ALOX5: variants seen among roughly 807,000 people sequenced by gnomAD.
ALOX5 encodes the protein polyunsaturated fatty acid 5-lipoxygenase.
A neutral mutation model predicts 87.9 loss-of-function variants in ALOX5; 64 were observed. That is an observed-to-expected ratio of 0.73 (90% CI 0.60 to 0.90). The LOEUF (loss-of-function observed/expected upper bound fraction) is 0.90, where lower values mean the gene tolerates loss of function less well. Among genes scored for constraint, ALOX5 ranks in the 40% least tolerant of loss-of-function variants. ALOX5 has a pLI of 0.00. For missense variants in ALOX5, 822 were observed against 907.5 expected (o/e 0.91, Z 1.21); for synonymous variants, 388 against 355.1 (o/e 1.09, Z -1.04).
intron 5 of ALOX5, 40 bp from the exon 6 acceptor site, chr10:45,424,920 T>C: frequency 2.5e-6 from 4 of 1,610,324 alleles, no homozygotes; most frequent in Admixed American, 1.7e-5. Flanking sequence ...GGCTGCCCTC[T>C]ACTCAGAGCT....
At chr10:45,381,464 G>A (rs1235640159) in intron 1 of ALOX5, among the ~76,000 whole-genome samples, 1 of 152,270 alleles carries the variant, frequency 6.6e-6, no homozygotes, top group African/African-American at 2.4e-5. Context: ...CTGCTGGCAA[G>A]TGGCAGAGGT....
intron 11 of ALOX5, 27 bp from the exon 12 acceptor site, chr10:45,443,701 C>A: frequency 6.2e-7 from 1 of 1,602,610 alleles, no homozygotes; most frequent in Non-Finnish European, 8.5e-7. Context: ...GGGACTGGGC[C>A]TCAGCCCGCC....
intron 2 of ALOX5, among the ~76,000 whole-genome samples, chr10:45,390,257 C>T (rs1840169971): frequency 6.6e-6 from 1 of 152,154 alleles, no homozygotes; most frequent in Non-Finnish European, 1.5e-5. Flanking sequence ...CTTTAACACC[C>T]CACTGTCAAC....
At chr10:45,396,184 A>G (rs1166931554) in intron 3 of ALOX5, among the ~76,000 whole-genome samples, 1 of 152,242 alleles carries the variant, frequency 6.6e-6, no homozygotes, top group Non-Finnish European at 1.5e-5. Flanking sequence ...AAGAATGGGC[A>G]GAAAAGCTTG....
intron 2 of ALOX5, among the ~76,000 whole-genome samples, chr10:45,387,510 G>A (rs1384062821): frequency 2.6e-5 from 4 of 152,184 alleles, no homozygotes; most frequent in African/African-American, 9.7e-5. Flanking sequence ...TTCTCCTGGA[G>A]CAAAAAGGCA....
Position 45,400,039 on chromosome 10 carries a change from G to A in ALOX5, c.431+4103G>A, listed in dbSNP as rs187743615. 4.5e-4 allele frequency among the ~76,000 whole-genome samples: 69 copies of A among 152,254 alleles called. No individual in the cohort carries two copies. In the South Asian group the frequency reaches 5.8e-3, roughly 13 times the overall value. ...AAACTGGAACCCTGATGCTGCTACCGGAATGTAAGATGATGCAGCCACTTC... is the reference window on the plus strand; with the variant it reads ...AAACTGGAACCCTGATGCTGCTACCAGAATGTAAGATGATGCAGCCACTTC... On this transcript the variant is annotated intron_variant, in intron 3 of 13. Coordinates refer to ENST00000374391, the MANE Select transcript of ALOX5 (RefSeq NM_000698.5).
chr10:45,401,611 G>A (rs1457926132), intron 3 of ALOX5, among the ~76,000 whole-genome samples: 2 of 152,046 alleles, frequency 1.3e-5, no homozygotes, highest in Non-Finnish European at 2.9e-5. Flanking sequence ...TAGTTTCTAT[G>A]TACTATTCCA....
chr10:45,398,328 A>G (rs1275683598), intron 3 of ALOX5, among the ~76,000 whole-genome samples: 1 of 152,192 alleles, frequency 6.6e-6, no homozygotes, highest in African/African-American at 2.4e-5. Flanking sequence ...AGCTCACACC[A>G]TATACATAAA....
chr10:45,435,318 A>G (rs886684901), intron 7 of ALOX5, among the ~76,000 whole-genome samples: 1 of 151,580 alleles, frequency 6.6e-6, no homozygotes, highest in African/African-American at 2.4e-5. Context: ...CAGGTTTGTT[A>G]CATGGTTATA....
intron 3 of ALOX5, among the ~76,000 whole-genome samples, chr10:45,398,821 A>G (rs1423533759): frequency 6.6e-6 from 1 of 152,252 alleles, no homozygotes; most frequent in East Asian, 1.9e-4. Flanking sequence ...ACAAGTGTTG[A>G]CAAGGATGTG....
Position 45,374,420 on chromosome 10 carries a change from G to C in ALOX5, c.141G>C (p.Glu47Asp). 6.4e-7 allele frequency: 1 copy of C among 1,556,744 alleles called. No individual in the cohort carries two copies. The highest frequency in any genetic ancestry group is 8.6e-7 in the Non-Finnish European group (1 of 1,157,544). ...LLDKPFYNDF[E>D]RGAVDSYDVT... Reference sequence around the variant, plus strand: ...ACAAGCCCTTCTACAACGACTTCGAGCGTGGCGCGGTGAGCGCGGGCGGGG... The same window carrying C: ...ACAAGCCCTTCTACAACGACTTCGACCGTGGCGCGGTGAGCGCGGGCGGGG... Residue 47 changes from glutamate to aspartate, a missense_variant, in exon 1 of 14, where the codon GAG (glutamate) becomes GAC (aspartate). Physicochemically the swap from Glu to Asp is conservative, Grantham distance 45. Coordinates refer to ENST00000374391, the MANE Select transcript of ALOX5 (RefSeq NM_000698.5).
At chr10:45,401,940 A>G (rs1262623280) in intron 3 of ALOX5, among the ~76,000 whole-genome samples, 1 of 152,052 alleles carries the variant, frequency 6.6e-6, no homozygotes, top group African/African-American at 2.4e-5. Flanking sequence ...ACAAAAAATT[A>G]GCCGGGCGTG....
At chr10:45,435,842 T>A (rs1784170268) in intron 7 of ALOX5, among the ~76,000 whole-genome samples, 1 of 152,248 alleles carries the variant, frequency 6.6e-6, no homozygotes, top group Non-Finnish European at 1.5e-5. Flanking sequence ...TTGCAGTTCT[T>A]TGCAAAATCT....
chr10:45,416,991 T>A lies in ALOX5; in HGVS notation c.554+4678T>A, dbSNP rs143704897. ...TAATGGTGGAGTGAAGGCCAGACTG[T>A]GCCTTTCTTATCTCTGTTCAGTGTT... On this transcript the variant is annotated intron_variant, in intron 4 of 13. Coordinates refer to ENST00000374391, the MANE Select transcript of ALOX5 (RefSeq NM_000698.5). 2.8e-3 allele frequency among the ~76,000 whole-genome samples: 431 copies of A among 152,200 alleles called. 1 individual carries two copies. Among genetic ancestry groups the A allele is most frequent in the Middle Eastern group, 0.01 (3 of 294 alleles).
intron 3 of ALOX5, among the ~76,000 whole-genome samples, chr10:45,407,402 TC>T (rs34388842): frequency 0.017 from 2,410 of 141,298 alleles, 58 homozygotes; most frequent in African/African-American, 0.063. Flanking sequence ...TTTTTTTTTT[TC>T]CCCCCCACCT....
intron 4 of ALOX5, among the ~76,000 whole-genome samples, chr10:45,417,756 C>T (rs1841347947): frequency 6.6e-6 from 1 of 152,200 alleles, no homozygotes; most frequent in South Asian, 2.1e-4. Flanking sequence ...GTCCTACATG[C>T]ATAGGATGCT....
intron 7 of ALOX5, among the ~76,000 whole-genome samples, chr10:45,430,624 C>T (rs192360961): frequency 6.6e-6 from 1 of 150,674 alleles, no homozygotes; most frequent in Non-Finnish European, 1.5e-5. Context: ...ATCAAGACCC[C>T]GTCTCTTAAA....
At chr10:45,413,566 C>A (rs1841153144) in intron 4 of ALOX5, among the ~76,000 whole-genome samples, 1 of 152,156 alleles carries the variant, frequency 6.6e-6, no homozygotes, top group Admixed American at 6.5e-5. Flanking sequence ...CACTCCTATT[C>A]AACATAGTGT....
intron 3 of ALOX5, among the ~76,000 whole-genome samples, chr10:45,400,371 G>A (rs1840656915): frequency 6.6e-6 from 1 of 152,122 alleles, no homozygotes; most frequent in East Asian, 1.9e-4. Context: ...AGGTTGAGAC[G>A]GGCAGATCAC....
Sources: allele counts gnomAD v4.1 joint callset (sites outside exome capture counted in the v4.1 genomes callset), GRCh38; gene constraint gnomAD v4.1.1; transcripts MANE v1.5; gene names NCBI Gene and HGNC (gene_info 2026-07-23, HGNC 2026-07-21).